The following ERBIN variants were observed in gnomAD, a reference collection of about 807,000 sequenced individuals.
The protein encoded by ERBIN is erbb2 interacting protein.
In ERBIN, 60 loss-of-function variants were observed where a neutral mutation model predicts 158.4. That is an observed-to-expected ratio of 0.38 (90% CI 0.31 to 0.47). The LOEUF is 0.47. Among genes scored for constraint, ERBIN ranks in the 20% least tolerant of loss-of-function variants. The pLI is 0.99. For synonymous variants in ERBIN, 594 were observed against 557.2 expected (o/e 1.07, Z -0.93); for missense variants, 1,610 against 1,648.0 (o/e 0.98, Z 0.40).
At chr5:65,980,428 A>C (rs942392634) in intron 1 of ERBIN, among the ~76,000 whole-genome samples, 3 of 151,902 alleles carry the variant, frequency 2.0e-5, no homozygotes, top group African/African-American at 7.3e-5. Flanking sequence ...ACTCCGTCTC[A>C]AAAAAAACAA....
intron 21 of ERBIN, among the ~76,000 whole-genome samples, chr5:66,065,217 G>A (rs1168412480): frequency 1.3e-5 from 2 of 152,108 alleles, no homozygotes; most frequent in Non-Finnish European, 2.9e-5. Flanking sequence ...ATTTTCCTAG[G>A]CAGTAATTAT....
chr5:65,976,619 A>G (rs1384795369), intron 1 of ERBIN, among the ~76,000 whole-genome samples: 2 of 151,006 alleles, frequency 1.3e-5, no homozygotes, highest in Non-Finnish European at 3.0e-5. Context: ...GCAGATAAAC[A>G]AGTGAACAAA....
chr5:65,985,663 T>G lies in ERBIN; in HGVS notation c.-57-2972T>G, dbSNP rs536074501. ...TCCTCTCTTTCTCTACTAGATTGTT[T>G]CTATCTATCTGTCTACAAATCTGCT... On this transcript the variant is annotated intron_variant, in intron 1 of 25. Transcript: ENST00000284037. Among the ~76,000 whole-genome samples the G allele has an allele frequency of 2.0e-5, 3 of 152,342 alleles. No individual in the cohort carries two copies. The South Asian group carries it at 6.2e-4, about 32-fold the overall frequency.
intron 15 of ERBIN, among the ~76,000 whole-genome samples, chr5:66,040,147 C>A (rs557018075): frequency 6.6e-6 from 1 of 151,886 alleles, no homozygotes; most frequent in African/African-American, 2.4e-5. Context: ...CTCATCTTTA[C>A]AATAATCCTC....
chr5:66,046,915 G>A (rs778307407), intron 18 of ERBIN, among the ~76,000 whole-genome samples: 2 of 151,990 alleles, frequency 1.3e-5, no homozygotes, highest in Non-Finnish European at 2.9e-5. Context: ...TAGATGTGGA[G>A]TTTCTTCTAG....
chr5:65,994,042 G>A (rs1329382436), intron 3 of ERBIN, among the ~76,000 whole-genome samples: 1 of 152,098 alleles, frequency 6.6e-6, no homozygotes, highest in South Asian at 2.1e-4. Context: ...TGGTCAGTAA[G>A]AACATTTTGA....
chr5:65,994,738 T>C lies in ERBIN; in HGVS notation c.190-9T>C. 1.3e-6 allele frequency: 2 copies of C among 1,519,004 alleles called. No individual in the cohort carries two copies. The highest frequency in any genetic ancestry group is 1.8e-6 in the Non-Finnish European group (2 of 1,112,508). 94.1% of individuals were successfully genotyped at this position (1,519,004 alleles called of 1,614,324 possible). A position where few individuals can be genotyped will look rare whatever the true frequency, so the allele number is the denominator to read the frequency against. On this transcript the variant is annotated splice_polypyrimidine_tract_variant and intron_variant, in intron 3 of 25. Transcript: ENST00000284037. The stretch of plus-strand genomic sequence containing the variant: ...ATAATTGACATTCTTTCCTCCCTTT[T>C]TTCAATAGCAACTTTTTAACTGTCA...
intron 21 of ERBIN, among the ~76,000 whole-genome samples, chr5:66,057,095 A>C (rs1759666807): frequency 6.6e-6 from 1 of 152,222 alleles, no homozygotes; most frequent in South Asian, 2.1e-4. Context: ...AAAGAATTTA[A>C]ATTTTTAAAG....
At chr5:65,959,579 A>G (rs867664805) in intron 1 of ERBIN, among the ~76,000 whole-genome samples, 13 of 152,202 alleles carry the variant, frequency 8.5e-5, no homozygotes, top group African/African-American at 2.9e-4. Flanking sequence ...GATGGACTTC[A>G]TAGTTCTCAA....
At chr5:66,019,145 C>T (rs1430276924) in intron 7 of ERBIN, among the ~76,000 whole-genome samples, 1 of 152,062 alleles carries the variant, frequency 6.6e-6, no homozygotes, top group Non-Finnish European at 1.5e-5. Context: ...GTGAACAAGA[C>T]TAATTTTGAC....
At chr5:66,074,071 T>A (rs1761764676) in intron 22 of ERBIN, among the ~76,000 whole-genome samples, 1 of 143,062 alleles carries the variant, frequency 7.0e-6, no homozygotes, top group East Asian at 2.0e-4. Flanking sequence ...TTTTTTTTTT[T>A]TAGAGATGGG....
At chr5:65,928,356 T>G (rs1742935813) in intron 1 of ERBIN, among the ~76,000 whole-genome samples, 1 of 152,180 alleles carries the variant, frequency 6.6e-6, no homozygotes, top group Non-Finnish European at 1.5e-5. Flanking sequence ...CTTTATGATT[T>G]TGGAACGTAT....
At chr5:65,981,308 T>A (rs1009361983) in intron 1 of ERBIN, among the ~76,000 whole-genome samples, 5 of 152,224 alleles carry the variant, frequency 3.3e-5, no homozygotes, top group African/African-American at 1.2e-4. Context: ...AGATAATTTA[T>A]ATCTTTAAAG....
chr5:66,004,383 TGTGTGTGCGCGC>T (rs1753344051), intron 4 of ERBIN, among the ~76,000 whole-genome samples: 1 of 152,122 alleles, frequency 6.6e-6, no homozygotes, highest in South Asian at 2.1e-4. Flanking sequence ...TGTGTGCGTG[TGTGTGTGCGCGC>T]GCGTGCGTGT....
At chr5:65,950,578 C>G (rs768535678) in intron 1 of ERBIN, among the ~76,000 whole-genome samples, 2 of 152,200 alleles carry the variant, frequency 1.3e-5, no homozygotes, top group Non-Finnish European at 2.9e-5. Flanking sequence ...CAGGTTTCTC[C>G]ACTGTAAAGT....
At chr5:66,070,066 C>T (rs931293928) in intron 21 of ERBIN, among the ~76,000 whole-genome samples, 9 of 151,740 alleles carry the variant, frequency 5.9e-5, no homozygotes, top group East Asian at 5.8e-4. Flanking sequence ...TATTTTGAGG[C>T]GGGGTTTTGT....
chr5:66,043,530 G>C (rs764452107), intron 16 of ERBIN, among the ~76,000 whole-genome samples: 74 of 151,934 alleles, frequency 4.9e-4, no homozygotes, highest in Non-Finnish European at 9.4e-4. Flanking sequence ...CACCATATTC[G>C]TAATGATTAT....
rs150019292 is a variant in ERBIN, at chr5:65,930,227, A to G, written c.-58+3421A>G. 9.1e-3 allele frequency among the ~76,000 whole-genome samples: 1,390 copies of G among 152,344 alleles called. 19 individuals carry two copies. The highest frequency in any genetic ancestry group is 0.065 in the Middle Eastern group (19 of 294). ...AAAGTTTATCTGATCTTATTTTATT[A>G]GCCCATTTAATTCTGAATATCCCCT... On this transcript the variant is annotated intron_variant, in intron 1 of 25. Transcript: ENST00000284037.
intron 21 of ERBIN, among the ~76,000 whole-genome samples, chr5:66,067,309 C>T (rs1020215877): frequency 1.3e-5 from 2 of 152,142 alleles, no homozygotes; most frequent in Non-Finnish European, 2.9e-5. Flanking sequence ...TGGCATTAGA[C>T]GTCAACTTCA....
Sources: gnomAD v4.1 joint callset for allele counts (sites outside exome capture counted in the v4.1 genomes callset) on GRCh38, gnomAD v4.1.1 for gene constraint, MANE v1.5 for transcripts, NCBI Gene and HGNC (gene_info 2026-07-23, HGNC 2026-07-21) for gene names.